The following DNAJC5B variants were observed in gnomAD, a reference collection of about 807,000 sequenced individuals.
The protein encoded by DNAJC5B is DnaJ heat shock protein family (Hsp40) member C5 beta.
Under a neutral mutation model 24.7 loss-of-function variants are expected in DNAJC5B, and 23 were observed. That is an observed-to-expected ratio of 0.93 (90% CI 0.67 to 1.32). The LOEUF (loss-of-function observed/expected upper bound fraction) is 1.32. Among genes scored for constraint, DNAJC5B ranks in the 40% most tolerant of loss-of-function variants. DNAJC5B has a pLI of 0.00. For missense variants in DNAJC5B, 238 were observed against 240.8 expected, an observed-to-expected ratio of 0.99 and a Z score of 0.08; for synonymous variants, 101 against 90.1, an observed-to-expected ratio of 1.12 and a Z score of -0.68.
chr8:66,031,753 C>T (rs966389620), intron 1 of DNAJC5B, among the ~76,000 whole-genome samples: 3 of 152,074 alleles, frequency 2.0e-5, no homozygotes, highest in East Asian at 1.9e-4. Context: ...TCAGCTGATT[C>T]GATGATGGCC....
chr8:66,051,597 G>C lies in DNAJC5B; in HGVS notation c.50G>C (p.Gly17Ala). The C allele has an allele frequency of 6.2e-7, 1 of 1,614,096 alleles. No individual in the cohort carries two copies. The highest frequency in any genetic ancestry group is 1.1e-5 in the South Asian group (1 of 91,072). Residue 17 changes from glycine to alanine, a missense_variant, in exon 3 of 6, where the codon GGA becomes GCA. Gly to Ala is a moderately conservative substitution (Grantham distance 60). Coordinates refer to ENST00000276570, the MANE Select transcript of DNAJC5B (RefSeq NM_033105.6). ...AGACAGCGGACTCTGTCAACAACAGGAGAAGCTCTATACGAAATTCTTGGT... is the reference window on the plus strand; with the variant it reads ...AGACAGCGGACTCTGTCAACAACAGCAGAAGCTCTATACGAAATTCTTGGT... ...NQRQRTLSTT[G>A]EALYEILGLH...
the DNAJC5B span, among the ~76,000 whole-genome samples, chr8:66,015,649 A>G: frequency 2.6e-5 from 4 of 152,202 alleles, no homozygotes; most frequent in African/African-American, 9.6e-5. Flanking sequence ...TAGCAGTATT[A>G]AATGGGGGCT....
chr8:66,076,643 TTC>T lies in DNAJC5B; in HGVS notation c.120-15_120-14del, dbSNP rs1474694107. The T allele has an allele frequency of 5.6e-6, 9 of 1,613,192 alleles. No individual in the cohort carries two copies. The highest frequency in any genetic ancestry group is 3.3e-4 in the Middle Eastern group (2 of 6,080). ...GTCAAATAACACACTCTCCTTGTTT[TTC>T]TTTTATTTTAAAAGAAAATTGGCCC... On this transcript the variant is annotated splice_polypyrimidine_tract_variant and intron_variant, in intron 3 of 5. Coordinates refer to ENST00000276570, the MANE Select transcript of DNAJC5B (RefSeq NM_033105.6).
chr8:66,086,240 G>C (rs890964834), intron 5 of DNAJC5B, among the ~76,000 whole-genome samples: 1 of 152,138 alleles, frequency 6.6e-6, no homozygotes, highest in Non-Finnish European at 1.5e-5. Context: ...AATAGAAACA[G>C]TTTTATTTCT....
At position 66,058,145 on chromosome 8, in the gene DNAJC5B, C is replaced by G. The variant is rs554593828; in HGVS notation, c.119+6479C>G. The G allele has an allele frequency of 2.0e-5, 3 of 152,290 alleles. No homozygotes were observed. In the South Asian group the frequency reaches 6.2e-4, roughly 32 times the overall value. The allele number at this position is 152,290 out of a possible 1,614,324, so 9.4% of individuals were successfully genotyped here. On this transcript the variant is annotated intron_variant, in intron 3 of 5. Coordinates refer to ENST00000276570, the MANE Select transcript of DNAJC5B (RefSeq NM_033105.6). The stretch of plus-strand genomic sequence containing the variant: ...CTTAAAGATAATTCCAAGGAAAGAT[C>G]AGTTCATGAAAGGTTTTCTCATTCT...
intron 3 of DNAJC5B, among the ~76,000 whole-genome samples, chr8:66,052,056 C>T (rs1806859834): frequency 6.6e-6 from 1 of 152,010 alleles, no homozygotes. Flanking sequence ...CCTCCGCCTC[C>T]CAGATTCAAG....
chr8:66,043,727 T>A (rs2041778627), intron 2 of DNAJC5B, 116 bp downstream of exon 2: 1 of 152,136 alleles, frequency 6.6e-6, no homozygotes, highest in Non-Finnish European at 1.5e-5. Context: ...GGGTTCCGGG[T>A]TCCAGGAACA....
At chr8:66,036,343 A>G (rs562037717) in intron 1 of DNAJC5B, among the ~76,000 whole-genome samples, 1 of 152,218 alleles carries the variant, frequency 6.6e-6, no homozygotes, top group Admixed American at 6.5e-5. Context: ...TGGAGTGGAG[A>G]TCTCAGAATT....
intron 5 of DNAJC5B, among the ~76,000 whole-genome samples, chr8:66,081,248 C>G (rs759572703): frequency 1.3e-5 from 2 of 152,046 alleles, no homozygotes; most frequent in Non-Finnish European, 2.9e-5. Context: ...TTCACAGCAC[C>G]AGGAATACTT....
rs564564144 is a variant in DNAJC5B, at chr8:66,071,010, T to G, written c.120-5650T>G. On this transcript the variant is annotated intron_variant, in intron 3 of 5. Transcript: ENST00000276570. The stretch of plus-strand genomic sequence containing the variant: ...AACTGGCTAACCATATGCAGAAAAC[T>G]GAAACTGGACCCCTTCCTTACACCT... Among the ~76,000 whole-genome samples, 35 of 152,232 alleles carry G rather than the reference T, an allele frequency of 2.3e-4. 1 individual carries two copies. Among genetic ancestry groups the G allele is most frequent in the Admixed American group, 2.2e-3 (33 of 15,294 alleles).
In DNAJC5B at chr8:66,076,826, G is replaced by A; in HGVS notation, c.286G>A (p.Asp96Asn). The change falls in exon 4 of 6, where the codon GAC becomes AAC. Residue 96 changes from aspartate to asparagine, a missense_variant. Asp to Asn is a conservative substitution (Grantham distance 23). Transcript: ENST00000276570. Reference protein sequence around the residue: ...LGLYVAEQFGDENVNTYFMLS... With the variant: ...LGLYVAEQFGNENVNTYFMLS... ...ACTCTACGTGGCCGAGCAGTTTGGA[G>A]ACGAAAACGTTAACACCTACTTCAT... is the stretch of plus-strand genomic sequence containing the variant. 1.9e-6 allele frequency: 3 copies of A among 1,614,170 alleles called. No homozygotes were observed. Among genetic ancestry groups the A allele is most frequent in the Non-Finnish European group, 2.5e-6 (3 of 1,180,018 alleles).
At chr8:66,036,909 C>G (rs1806498466) in intron 1 of DNAJC5B, among the ~76,000 whole-genome samples, 1 of 152,236 alleles carries the variant, frequency 6.6e-6, no homozygotes, top group Non-Finnish European at 1.5e-5. Context: ...TGGGGCAGCA[C>G]TCCTTGCCTG....
rs116673017 is a variant in DNAJC5B at position 66,036,241 on chromosome 8, C to T, written c.-141-7247C>T. Among the ~76,000 whole-genome samples, 657 of 152,280 alleles carry T rather than the reference C, an allele frequency of 4.3e-3. 10 individuals are homozygous for T. The highest frequency in any genetic ancestry group is 0.015 in the African/African-American group (622 of 41,532). On this transcript the variant is annotated intron_variant, in intron 1 of 5. Coordinates refer to ENST00000276570, the MANE Select transcript of DNAJC5B (RefSeq NM_033105.6). The stretch of plus-strand genomic sequence containing the variant: ...CATTTATTCACTGCTGGTGAACTGG[C>T]TGATTGTGTCTGGCTGGTTCCTGGG...
At chr8:66,046,902 A>G (rs771563437) in intron 2 of DNAJC5B, among the ~76,000 whole-genome samples, 1 of 152,248 alleles carries the variant, frequency 6.6e-6, no homozygotes, top group Non-Finnish European at 1.5e-5. Context: ...TTGGATGTCC[A>G]TTATTTTATG....
intron 1 of DNAJC5B, among the ~76,000 whole-genome samples, chr8:66,030,637 T>G (rs1209459829): frequency 1.3e-5 from 2 of 152,044 alleles, no homozygotes; most frequent in African/African-American, 4.8e-5. Context: ...TGTTCTTTTT[T>G]TTTCTTTTCT....
rs777087551 is a variant in DNAJC5B at position 66,099,920 on chromosome 8, GC to G, written c.506-16del. 1 of 1,609,786 alleles carries G rather than the reference GC, an allele frequency of 6.2e-7. No individual in the cohort carries two copies. Among genetic ancestry groups the G allele is most frequent in the Non-Finnish European group, 8.5e-7 (1 of 1,176,638 alleles). On this transcript the variant is annotated splice_polypyrimidine_tract_variant and intron_variant, in intron 5 of 5. Transcript: ENST00000276570. ...ACATGATGAGAGTGTTTATTGCTTT[GC>G]TTTGTTTATTTTTAGATGTGGACTT...
intron 3 of DNAJC5B, among the ~76,000 whole-genome samples, chr8:66,061,610 A>AGAGTGTGT (rs1239405686): frequency 6.9e-6 from 1 of 144,964 alleles, no homozygotes; most frequent in Non-Finnish European, 1.5e-5. Context: ...AGAGAGAGAG[A>AGAGTGTGT]GTGTGTGTGT....
chr8:66,089,021 T>C (rs944871348), intron 5 of DNAJC5B, among the ~76,000 whole-genome samples: 1 of 152,194 alleles, frequency 6.6e-6, no homozygotes, highest in Admixed American at 6.5e-5. Context: ...ATTTTCTGTA[T>C]TAGTCTGTTA....
intron 5 of DNAJC5B, among the ~76,000 whole-genome samples, chr8:66,099,438 A>T (rs1808025860): frequency 6.6e-6 from 1 of 152,220 alleles, no homozygotes; most frequent in Non-Finnish European, 1.5e-5. Context: ...GATTTCTATT[A>T]GACTCTCCCT....
Sources: gnomAD v4.1 joint callset for allele counts (sites outside exome capture counted in the v4.1 genomes callset) on GRCh38, gnomAD v4.1.1 for gene constraint, MANE v1.5 for transcripts, NCBI Gene and HGNC (gene_info 2026-07-23, HGNC 2026-07-21) for gene names.